Variants in ZFHX3 observed in about 807,000 individuals in gnomAD.
The protein encoded by ZFHX3 is zinc finger homeobox 3.
A neutral mutation model predicts 279.1 loss-of-function variants in ZFHX3; 42 were observed. That is an observed-to-expected ratio of 0.15 (90% CI 0.12 to 0.19). The LOEUF (loss-of-function observed/expected upper bound fraction) is 0.19. ZFHX3 is among the 10% of genes least tolerant of loss of function. ZFHX3 has a pLI of 1.00. For missense variants in ZFHX3, 4,981 were observed against 4,754.0 expected (o/e 1.05, Z -1.40); for synonymous variants, 2,293 against 1,957.8 (o/e 1.17, Z -4.52).
intron 4 of ZFHX3, among the ~76,000 whole-genome samples, chr16:72,884,571 G>C (rs1306905194): frequency 1.3e-5 from 2 of 152,154 alleles, no homozygotes; most frequent in African/African-American, 4.8e-5. Context: ...GTAAAATTTG[G>C]AGGTCTATGT....
At position 73,196,909 on chromosome 16, in the gene ZFHX3, C is replaced by T. The variant is rs546746772; in HGVS notation, c.-1103-53078G>A. Among the ~76,000 whole-genome samples, 279 of 152,188 alleles carry T rather than the reference C, an allele frequency of 1.8e-3. 2 individuals are homozygous for T. The highest frequency in any genetic ancestry group is 5.8e-3 in the African/African-American group (242 of 41,528). On this transcript the variant is annotated intron_variant, in intron 5 of 17. Transcript: ENST00000641206. ...GGAGCCCAGGACTCTTGATGGTAGG[C>T]GTTCTGGAGGGCCATGGAGCTGGGA...
intron 1 of ZFHX3, among the ~76,000 whole-genome samples, chr16:73,044,850 A>T (rs1235286911): frequency 6.6e-6 from 1 of 152,052 alleles, no homozygotes; most frequent in Non-Finnish European, 1.5e-5. Flanking sequence ...CGAACTCCCA[A>T]CCTCAAGTGA....
intron 2 of ZFHX3, among the ~76,000 whole-genome samples, chr16:73,629,928 T>A (rs966211742): frequency 2.6e-5 from 4 of 152,212 alleles, no homozygotes; most frequent in Admixed American, 2.0e-4. Flanking sequence ...TGGTGCAGAT[T>A]TAAGCAAGCT....
At chr16:73,692,116 A>G (rs1261616187) in intron 1 of ZFHX3, among the ~76,000 whole-genome samples, 3 of 152,186 alleles carry the variant, frequency 2.0e-5, no homozygotes, top group African/African-American at 7.2e-5. Context: ...AAATACGTCC[A>G]CAGATTATTC....
intron 1 of ZFHX3, among the ~76,000 whole-genome samples, chr16:73,735,532 T>G (rs958747358): frequency 2.0e-5 from 3 of 152,104 alleles, no homozygotes; most frequent in African/African-American, 7.2e-5. Context: ...AATAAATAAA[T>G]GTCAAACACA....
chr16:73,561,746 T>A (rs898245301), intron 2 of ZFHX3, among the ~76,000 whole-genome samples: 1 of 152,218 alleles, frequency 6.6e-6, no homozygotes, highest in Non-Finnish European at 1.5e-5. Flanking sequence ...AAAATAGGCT[T>A]ATTCCTCAAA....
intron 4 of ZFHX3, among the ~76,000 whole-genome samples, chr16:72,854,948 G>GGGGGA (rs3079313): frequency 1.0e-5 from 1 of 97,482 alleles, no homozygotes; most frequent in Non-Finnish European, 2.0e-5. Context: ...TGGGGGGGGG[G>GGGGGA]TGTCAAATGG....
At chr16:73,752,674 G>T (rs1437466816) in intron 1 of ZFHX3, among the ~76,000 whole-genome samples, 1 of 152,168 alleles carries the variant, frequency 6.6e-6, no homozygotes, top group Non-Finnish European at 1.5e-5. Flanking sequence ...GTCTATCCAT[G>T]AAGCTGGGGG....
rs541793108 is a variant in ZFHX3, at chr16:73,860,267, C to A, written c.-1608+31384G>T. On this transcript the variant is annotated intron_variant, in intron 1 of 17. Transcript: ENST00000641206. The stretch of plus-strand genomic sequence containing the variant: ...CAAGTATGTGGCTAGCAAAAGTAAC[C>A]AAAATGTCCCAAGAGCAGCGGAATC... 3.9e-5 allele frequency among the ~76,000 whole-genome samples: 6 copies of A among 152,214 alleles called. No individual in the cohort carries two copies. The South Asian group carries it at 1.0e-3, about 26-fold the overall frequency.
At chr16:73,599,831 G>T (rs991923120) in intron 2 of ZFHX3, among the ~76,000 whole-genome samples, 2 of 151,906 alleles carry the variant, frequency 1.3e-5, no homozygotes, top group Non-Finnish European at 2.9e-5. Flanking sequence ...AAAAAGATGA[G>T]GCCTCTCTTT....
intron 2 of ZFHX3, among the ~76,000 whole-genome samples, chr16:73,635,450 C>T (rs2052519075): frequency 6.6e-6 from 1 of 152,170 alleles, no homozygotes; most frequent in Non-Finnish European, 1.5e-5. Context: ...ACGTATGCAC[C>T]CACATGCAAC....
chr16:73,573,375 G>A (rs779688850), intron 2 of ZFHX3, among the ~76,000 whole-genome samples: 11 of 152,112 alleles, frequency 7.2e-5, no homozygotes, highest in Non-Finnish European at 1.2e-4. Context: ...CGCTGTTCTG[G>A]GTTAGAGTAT....
intron 3 of ZFHX3, among the ~76,000 whole-genome samples, chr16:73,335,718 T>C (rs528947945): frequency 6.6e-6 from 1 of 152,244 alleles, no homozygotes; most frequent in South Asian, 2.1e-4. Flanking sequence ...TGAGCTTTTG[T>C]GATTTGAATT....
intron 1 of ZFHX3, among the ~76,000 whole-genome samples, chr16:72,987,970 T>C (rs368253235): frequency 1.3e-4 from 20 of 152,198 alleles, no homozygotes; most frequent in African/African-American, 4.1e-4. Flanking sequence ...CTCCCTGGAT[T>C]TGATACCAAA....
In ZFHX3 at chr16:73,594,286, C is replaced by G. The variant is rs1027508151; in HGVS notation, c.-1547+85894G>C. Among the ~76,000 whole-genome samples, 3 of 151,870 alleles carry G rather than the reference C, an allele frequency of 2.0e-5. No individual in the cohort carries two copies. The East Asian group carries it at 5.8e-4, about 29-fold the overall frequency. ...GCATAAAATACATCTAGAAATAAAT[C>G]TAAACATTTATTGGAATAAGTTAAA... On this transcript the variant is annotated intron_variant, in intron 2 of 17. Transcript: ENST00000641206.
At chr16:73,591,041 A>G (rs1330052760) in intron 2 of ZFHX3, among the ~76,000 whole-genome samples, 1 of 152,204 alleles carries the variant, frequency 6.6e-6, no homozygotes, top group Non-Finnish European at 1.5e-5. Context: ...GGAGAAATCT[A>G]CAGAACAAAT....
At chr16:73,166,092 A>G (rs1477977168) in intron 5 of ZFHX3, among the ~76,000 whole-genome samples, 1 of 152,220 alleles carries the variant, frequency 6.6e-6, no homozygotes, top group African/African-American at 2.4e-5. Context: ...TCCCCAAATT[A>G]GGGGCAATAT....
intron 1 of ZFHX3, among the ~76,000 whole-genome samples, chr16:72,988,536 T>A (rs1962942221): frequency 6.6e-6 from 1 of 152,264 alleles, no homozygotes; most frequent in Admixed American, 6.5e-5. Context: ...TGCACTGCTC[T>A]AAATCACTTC....
At chr16:72,917,234 C>T (rs1384341551) in intron 3 of ZFHX3, among the ~76,000 whole-genome samples, 1 of 152,170 alleles carries the variant, frequency 6.6e-6, no homozygotes, top group Non-Finnish European at 1.5e-5. Flanking sequence ...GAGCAACACC[C>T]TGTCTCAATA....
Sources: allele counts gnomAD v4.1 joint callset (sites outside exome capture counted in the v4.1 genomes callset), GRCh38; gene constraint gnomAD v4.1.1; transcripts MANE v1.5; gene names NCBI Gene and HGNC (gene_info 2026-07-23, HGNC 2026-07-21).